RANBP17: variants seen among roughly 807,000 people sequenced by gnomAD.
RANBP17 encodes ran-binding protein 17.
A neutral mutation model predicts 141.2 loss-of-function variants in RANBP17; 158 were observed. The observed-to-expected ratio is 1.12, with a 90% confidence interval of 0.98 to 1.28. RANBP17 has a LOEUF of 1.28. Among genes scored for constraint, RANBP17 ranks in the 50% most tolerant of loss-of-function variants. The probability of loss-of-function intolerance (pLI) is 0.00; values close to 1 mark genes in which losing one functional copy is unlikely to be tolerated. For missense variants in RANBP17, 1,438 were observed against 1,290.7 expected (o/e 1.11, Z -1.75); for synonymous variants, 430 against 450.0 (o/e 0.96, Z 0.56).
At chr5:170,889,448 G>A (rs1316737819) in intron 3 of RANBP17, among the ~76,000 whole-genome samples, 4 of 151,964 alleles carry the variant, frequency 2.6e-5, no homozygotes, top group African/African-American at 9.7e-5. Context: ...TCCAATATTT[G>A]GAAACAGGAA....
intron 14 of RANBP17, among the ~76,000 whole-genome samples, chr5:171,080,067 C>T (rs1785169981): frequency 6.6e-6 from 1 of 152,132 alleles, no homozygotes; most frequent in African/African-American, 2.4e-5. Flanking sequence ...CGGATCCACT[C>T]ATGCCTGGAA....
At chr5:171,252,874 G>A (rs970033993) in intron 24 of RANBP17, 11 of 1,377,284 alleles carry the variant, frequency 8.0e-6, no homozygotes, top group Admixed American at 5.1e-5. Context: ...GTTTGATGAC[G>A]ACATTGTAGA....
intron 14 of RANBP17, among the ~76,000 whole-genome samples, chr5:171,144,201 A>G (rs1009390994): frequency 2.0e-5 from 3 of 152,060 alleles, no homozygotes; most frequent in Non-Finnish European, 2.9e-5. Flanking sequence ...TGTCTCTACC[A>G]AAAATACAAA....
At chr5:170,884,388 T>C (rs887452775) in intron 3 of RANBP17, among the ~76,000 whole-genome samples, 2 of 152,210 alleles carry the variant, frequency 1.3e-5, no homozygotes, top group African/African-American at 4.8e-5. Flanking sequence ...GATTAATCCA[T>C]ATTTTGTATG....
chr5:171,178,347 G>T (rs1042972113), intron 16 of RANBP17, among the ~76,000 whole-genome samples: 1 of 152,066 alleles, frequency 6.6e-6, no homozygotes, highest in African/African-American at 2.4e-5. Context: ...CAAAGAACAT[G>T]AACTCATCCT....
rs1304835882 is a variant in RANBP17, at chr5:171,171,268, T to A, written c.1847T>A (p.Leu616Gln). Reference protein sequence around the residue: ...EPVISRTLQFLNDLSVGYILL... With the variant: ...EPVISRTLQFQNDLSVGYILL... ...GTAATTTCAAGGACTCTTCAGTTCCTAAATGACCTTTCTGTTGGATATCCT... is the reference window on the plus strand; with the variant it reads ...GTAATTTCAAGGACTCTTCAGTTCCAAAATGACCTTTCTGTTGGATATCCT... Residue 616 changes from leucine (L) to glutamine (Q), a missense_variant, in exon 16 of 28, where the codon CTA becomes CAA. Coordinates refer to ENST00000523189, the MANE Select transcript of RANBP17 (RefSeq NM_022897.5). 2 of 1,590,834 alleles carry A rather than the reference T, an allele frequency of 1.3e-6. No homozygotes were observed. Among genetic ancestry groups the A allele is most frequent in the Non-Finnish European group, 1.7e-6 (2 of 1,162,390 alleles).
chr5:170,963,914 A>G (rs897007176), intron 13 of RANBP17, among the ~76,000 whole-genome samples: 1 of 152,220 alleles, frequency 6.6e-6, no homozygotes, highest in Non-Finnish European at 1.5e-5. Flanking sequence ...AAAACTCAGT[A>G]ATTAAAAGAC....
At chr5:171,010,315 A>G (rs1779951780) in intron 14 of RANBP17, among the ~76,000 whole-genome samples, 1 of 152,328 alleles carries the variant, frequency 6.6e-6, no homozygotes, top group Middle Eastern at 3.4e-3. Context: ...CACACACAGT[A>G]TGGATCTTAT....
intron 7 of RANBP17, among the ~76,000 whole-genome samples, chr5:170,912,012 C>T (rs1771569494): frequency 6.6e-6 from 1 of 151,892 alleles, no homozygotes; most frequent in African/African-American, 2.4e-5. Context: ...TGTGCTACTT[C>T]TTTACTTTCC....
intron 14 of RANBP17, among the ~76,000 whole-genome samples, chr5:171,075,814 A>C (rs372971551): frequency 5.3e-5 from 8 of 152,210 alleles, no homozygotes; most frequent in African/African-American, 1.9e-4. Context: ...TTAGCTGGGC[A>C]TGGTGACACA....
chr5:171,118,976 G>A (rs942297697), intron 14 of RANBP17, among the ~76,000 whole-genome samples: 2 of 152,158 alleles, frequency 1.3e-5, no homozygotes, highest in Non-Finnish European at 2.9e-5. Flanking sequence ...AAGAGTGAGA[G>A]TGGAAACCCT....
chr5:170,961,041 C>T (rs1020973743), intron 13 of RANBP17, among the ~76,000 whole-genome samples: 8 of 152,202 alleles, frequency 5.3e-5, no homozygotes, highest in African/African-American at 1.2e-4. Context: ...CCACTGCACC[C>T]GGCCCCCTGC....
At chr5:171,268,494 T>G (rs1426279958) in intron 25 of RANBP17, among the ~76,000 whole-genome samples, 1 of 152,140 alleles carries the variant, frequency 6.6e-6, no homozygotes, top group Non-Finnish European at 1.5e-5. Flanking sequence ...TCACCTGGAA[T>G]GGCTTTTCAA....
At chr5:171,062,175 G>C (rs1783925737) in intron 14 of RANBP17, among the ~76,000 whole-genome samples, 1 of 151,798 alleles carries the variant, frequency 6.6e-6, no homozygotes, top group Admixed American at 6.6e-5. Flanking sequence ...AGTTAATATT[G>C]TTATGTGTGA....
At chr5:170,897,090 T>C (rs1770194440) in intron 5 of RANBP17, 4 of 828,986 alleles carry the variant, frequency 4.8e-6, no homozygotes, top group South Asian at 1.3e-5. Context: ...GCTGTCTTGA[T>C]TGACATGGTA....
At chr5:170,976,608 A>G (rs1777394913) in intron 14 of RANBP17, among the ~76,000 whole-genome samples, 1 of 152,184 alleles carries the variant, frequency 6.6e-6, no homozygotes, top group Non-Finnish European at 1.5e-5. Context: ...ATAAGTTGTT[A>G]CTTACAATAA....
chr5:171,042,643 T>C (rs757166016), intron 14 of RANBP17, among the ~76,000 whole-genome samples: 68 of 152,200 alleles, frequency 4.5e-4, no homozygotes, highest in Admixed American at 4.1e-3. Context: ...TTGAATCATC[T>C]TTGGATTAAA....
chr5:170,932,505 A>C (rs182430721), intron 12 of RANBP17, among the ~76,000 whole-genome samples: 24 of 152,150 alleles, frequency 1.6e-4, no homozygotes, highest in African/African-American at 5.5e-4. Context: ...AGGGAATGCT[A>C]CCAGTTTTTG....
At position 171,141,968 on chromosome 5, in the gene RANBP17, G is replaced by T. The variant is rs373449376; in HGVS notation, c.1711-28162G>T. On this transcript the variant is annotated intron_variant, in intron 14 of 27. Coordinates refer to ENST00000523189, the MANE Select transcript of RANBP17 (RefSeq NM_022897.5). ...ACCTATTTAGTATGTCATATAAAAT[G>T]CGTAATTTGCATGCCTTCAAAGTAA... Among the ~76,000 whole-genome samples, 200 of 152,192 alleles carry T rather than the reference G, an allele frequency of 1.3e-3. 9 individuals carry two copies. In the South Asian group the frequency reaches 0.039, roughly 30 times the overall value.
Sources: gnomAD v4.1 joint callset for allele counts (sites outside exome capture counted in the v4.1 genomes callset) on GRCh38, gnomAD v4.1.1 for gene constraint, MANE v1.5 for transcripts, NCBI Gene and HGNC (gene_info 2026-07-23, HGNC 2026-07-21) for gene names.